The following LRRC37A2 variants were observed in gnomAD, a reference collection of about 807,000 sequenced individuals.
The protein encoded by LRRC37A2 is leucine-rich repeat-containing protein 37A2.
Under a neutral mutation model 68.8 loss-of-function variants are expected in LRRC37A2, and 9 were observed. That is an observed-to-expected ratio of 0.13 (90% CI 0.08 to 0.23). The LOEUF is 0.23. LRRC37A2 is among the 10% of genes least tolerant of loss of function. The pLI is 1.00. For missense variants in LRRC37A2, 168 were observed against 950.4 expected (o/e 0.18, Z 10.82); for synonymous variants, 63 against 367.6 (o/e 0.17, Z 9.48).
the LRRC37A2 span, among the ~76,000 whole-genome samples, chr17:46,742,405 C>CT: frequency 6.6e-6 from 1 of 152,322 alleles, no homozygotes; most frequent in African/African-American, 2.4e-5. Flanking sequence ...TATTTATTAA[C>CT]TTTGTACTTT....
chr17:46,541,624 C>CA (rs1391169813), intron 8 of LRRC37A2, among the ~76,000 whole-genome samples: 3 of 150,778 alleles, frequency 2.0e-5, no homozygotes, highest in Non-Finnish European at 4.4e-5. Flanking sequence ...GCTGGCCCTC[C>CA]ATATCTGCAG....
chr17:46,694,269 T>C, the LRRC37A2 span, among the ~76,000 whole-genome samples: 83 of 134,026 alleles, frequency 6.2e-4, no homozygotes, highest in Admixed American at 1.1e-3. Context: ...CACCTGTAAT[T>C]CCAGCTACTC....
At chr17:47,007,735 A>G in the LRRC37A2 span, 1 of 152,218 alleles carries the variant, frequency 6.6e-6, no homozygotes, top group East Asian at 1.9e-4. Context: ...TCCCGCCACT[A>G]AAAACACAAT....
chr17:46,847,516 C>T, the LRRC37A2 span, among the ~76,000 whole-genome samples: 1 of 152,154 alleles, frequency 6.6e-6, no homozygotes, highest in Non-Finnish European at 1.5e-5. Flanking sequence ...AGCCAGTCAT[C>T]ATAAGGCTAT....
At chr17:46,735,279 T>A in the LRRC37A2 span, among the ~76,000 whole-genome samples, 1 of 152,206 alleles carries the variant, frequency 6.6e-6, no homozygotes, top group Non-Finnish European at 1.5e-5. Context: ...CTAATAGTGT[T>A]GAGACGAAAT....
the LRRC37A2 span, among the ~76,000 whole-genome samples, chr17:46,499,185 G>A: frequency 7.0e-6 from 1 of 143,740 alleles, no homozygotes; most frequent in Admixed American, 6.8e-5. Context: ...TGTGGTGGTG[G>A]GCTCCTGTAA....
At chr17:46,449,695 A>G in the LRRC37A2 span, among the ~76,000 whole-genome samples, 1 of 97,972 alleles carries the variant, frequency 1.0e-5, no homozygotes, top group Non-Finnish European at 2.2e-5. Flanking sequence ...TCTACCTTTC[A>G]ATACTAAAAT....
At chr17:46,406,017 G>C in the LRRC37A2 span, among the ~76,000 whole-genome samples, 1 of 124,880 alleles carries the variant, frequency 8.0e-6, no homozygotes, top group African/African-American at 3.0e-5. Flanking sequence ...GTAGCCACCT[G>C]GGATCTCTTA....
In LRRC37A2 at chr17:46,542,804, G is replaced by T. The variant is rs575947247; in HGVS notation, c.3053+1923G>T. 7.3e-5 allele frequency among the ~76,000 whole-genome samples: 11 copies of T among 150,722 alleles called. No individual in the cohort carries two copies. In the East Asian group the frequency reaches 1.4e-3, roughly 19 times the overall value. On this transcript the variant is annotated intron_variant, in intron 8 of 14. Transcript: ENST00000576629. ...TACTGCAACTTCAATTGTGCCACCA[G>T]CCCCCACAATATGGCAAGCTAAATA...
chr17:46,492,869 T>C, the LRRC37A2 span, among the ~76,000 whole-genome samples: 1 of 150,412 alleles, frequency 6.6e-6, no homozygotes, highest in South Asian at 2.1e-4. Flanking sequence ...AATTTTTTTG[T>C]ATATTTAGTA....
At chr17:46,823,166 T>TATTTATATATAATATATTA in the LRRC37A2 span, among the ~76,000 whole-genome samples, 1 of 128,534 alleles carries the variant, frequency 7.8e-6, no homozygotes, top group South Asian at 2.3e-4. Flanking sequence ...ATATTATATA[T>TATTTATATATAATATATTA]TATATATTTA....
At chr17:46,739,190 T>C in the LRRC37A2 span, among the ~76,000 whole-genome samples, 1 of 151,400 alleles carries the variant, frequency 6.6e-6, no homozygotes, top group Non-Finnish European at 1.5e-5. Context: ...GCCAGTATGG[T>C]GAAACCCCCG....
the LRRC37A2 span, among the ~76,000 whole-genome samples, chr17:46,685,185 T>C: frequency 6.8e-6 from 1 of 146,988 alleles, no homozygotes; most frequent in African/African-American, 2.5e-5. Flanking sequence ...GGAGAAGCAT[T>C]TTATAACATC....
chr17:46,757,264 T>C, the LRRC37A2 span: 1 of 152,536 alleles, frequency 6.6e-6, no homozygotes, highest in African/African-American at 2.4e-5. Context: ...TATTGTGAGA[T>C]CCTGTGATTC....
At chr17:46,729,688 A>T in the LRRC37A2 span, among the ~76,000 whole-genome samples, 3 of 152,182 alleles carry the variant, frequency 2.0e-5, no homozygotes, top group Non-Finnish European at 4.4e-5. Flanking sequence ...TGACTTGAAA[A>T]GCATCTTAAT....
the LRRC37A2 span, among the ~76,000 whole-genome samples, chr17:46,965,628 T>TTTG: frequency 0.51 from 77,750 of 151,762 alleles, 19,776 homozygotes; most frequent in East Asian, 0.55. Context: ...ATGCCTTCTC[T>TTTG]TTCTTTTTTT....
the LRRC37A2 span, among the ~76,000 whole-genome samples, chr17:47,003,376 G>C: frequency 2.0e-5 from 3 of 152,176 alleles, no homozygotes; most frequent in African/African-American, 7.2e-5. Context: ...CAGAGGTGGG[G>C]CAGATGAGCA....
At chr17:46,872,041 G>A in the LRRC37A2 span, among the ~76,000 whole-genome samples, 1 of 152,128 alleles carries the variant, frequency 6.6e-6, no homozygotes, top group Admixed American at 6.5e-5. Flanking sequence ...CATCCCCTCT[G>A]CCTGCCCCCT....
At chr17:46,543,356 A>G (rs546824290) in intron 8 of LRRC37A2, among the ~76,000 whole-genome samples, 2 of 150,794 alleles carry the variant, frequency 1.3e-5, no homozygotes, top group African/African-American at 5.0e-5. Context: ...ATTTGTCAGT[A>G]TACTTTAAAA....
Sources: allele counts gnomAD v4.1 joint callset (sites outside exome capture counted in the v4.1 genomes callset), GRCh38; gene constraint gnomAD v4.1.1; transcripts MANE v1.5; gene names NCBI Gene and HGNC (gene_info 2026-07-23, HGNC 2026-07-21).